Variants in AFAP1 observed in about 807,000 individuals in gnomAD.
AFAP1 encodes the protein actin filament-associated protein 1.
Under a neutral mutation model 93.9 loss-of-function variants are expected in AFAP1, and 75 were observed. That is an observed-to-expected ratio of 0.80 (90% CI 0.66 to 0.97). The LOEUF (loss-of-function observed/expected upper bound fraction) is 0.97. Ranked by LOEUF, AFAP1 falls within the 50% of genes least tolerant of loss-of-function variation. The pLI is 0.00. For synonymous variants in AFAP1, 517 were observed against 430.7 expected (o/e 1.20, Z -2.48); for missense variants, 1,201 against 1,050.8 (o/e 1.14, Z -1.98).
chr4:7,796,015 A>G (rs1262631728), intron 10 of AFAP1, among the ~76,000 whole-genome samples: 1 of 152,162 alleles, frequency 6.6e-6, no homozygotes, highest in Non-Finnish European at 1.5e-5. Context: ...ACGTGTATAT[A>G]TACACTTGTA....
At chr4:7,929,567 C>A (rs1322034431) in intron 1 of AFAP1, among the ~76,000 whole-genome samples, 1 of 152,194 alleles carries the variant, frequency 6.6e-6, no homozygotes, top group South Asian at 2.1e-4. Flanking sequence ...TGATGCCTGC[C>A]CCCCTTCCTC....
intron 10 of AFAP1, among the ~76,000 whole-genome samples, chr4:7,798,325 TTGCAACTCTATTGGCTGGCTCACAGCAC>T (rs1560165242): frequency 7.0e-4 from 81 of 115,888 alleles, no homozygotes; most frequent in Admixed American, 9.0e-4. Context: ...GCTCACGGCA[TTGCAACTCTATTGGCTGGCTCACAGCAC>T]TGCAACTCTA....
chr4:7,798,344 C>G (rs575788265), intron 10 of AFAP1, among the ~76,000 whole-genome samples: 46 of 147,086 alleles, frequency 3.1e-4, no homozygotes, highest in African/African-American at 1.1e-3. Context: ...TATTGGCTGG[C>G]TCACAGCACT....
At chr4:7,874,122 G>A (rs1167710054) in intron 1 of AFAP1, among the ~76,000 whole-genome samples, 1 of 152,150 alleles carries the variant, frequency 6.6e-6, no homozygotes, top group Non-Finnish European at 1.5e-5. Context: ...AGTGAACCAT[G>A]ATGTAACAAA....
intron 5 of AFAP1, among the ~76,000 whole-genome samples, chr4:7,841,967 C>A (rs530156224): frequency 6.6e-6 from 1 of 152,056 alleles, no homozygotes; most frequent in African/African-American, 2.4e-5. Context: ...CACACAACCG[C>A]GAAGCTTCCC....
intron 1 of AFAP1, among the ~76,000 whole-genome samples, chr4:7,925,077 G>C (rs545429506): frequency 6.6e-6 from 1 of 152,076 alleles, no homozygotes; most frequent in Non-Finnish European, 1.5e-5. Flanking sequence ...TCTGCCACAT[G>C]CAAGTGACGA....
intron 6 of AFAP1, among the ~76,000 whole-genome samples, chr4:7,821,482 A>G (rs1384031278): frequency 6.6e-6 from 1 of 152,106 alleles, no homozygotes; most frequent in Admixed American, 6.5e-5. Flanking sequence ...CAGTCACCAC[A>G]TGTTTCTCCA....
At chr4:7,809,127 G>A (rs1199193790) in intron 9 of AFAP1, among the ~76,000 whole-genome samples, 1 of 151,396 alleles carries the variant, frequency 6.6e-6, no homozygotes, top group Non-Finnish European at 1.5e-5. Flanking sequence ...AGTTACATAT[G>A]TATACATGTG....
intron 5 of AFAP1, among the ~76,000 whole-genome samples, chr4:7,841,437 A>C (rs1713003610): frequency 6.6e-6 from 1 of 152,216 alleles, no homozygotes; most frequent in African/African-American, 2.4e-5. Flanking sequence ...TGAAGCGGGA[A>C]TCTAGGTACA....
intron 1 of AFAP1, among the ~76,000 whole-genome samples, chr4:7,897,652 C>T (rs6845653): frequency 0.61 from 92,053 of 151,628 alleles, 28,553 homozygotes; most frequent in Non-Finnish European, 0.68. Flanking sequence ...GCCTCCAGAG[C>T]AGCTGGGAAC....
chr4:7,811,296 C>CAAGG (rs1720010466), intron 8 of AFAP1, among the ~76,000 whole-genome samples: 1 of 152,148 alleles, frequency 6.6e-6, no homozygotes, highest in African/African-American at 2.4e-5. Flanking sequence ...TGATGAGAGT[C>CAAGG]AAGGACTCCC....
intron 1 of AFAP1, among the ~76,000 whole-genome samples, chr4:7,904,371 T>C (rs533394382): frequency 6.6e-6 from 1 of 152,156 alleles, no homozygotes; most frequent in East Asian, 1.9e-4. Context: ...CATCACACTA[T>C]CTATATGGAA....
At chr4:7,868,000 TTCC>T (rs1205388710) in intron 3 of AFAP1, among the ~76,000 whole-genome samples, 3 of 152,096 alleles carry the variant, frequency 2.0e-5, no homozygotes, top group African/African-American at 7.2e-5. Flanking sequence ...ACACTCTGAA[TTCC>T]TCGAGTAAAC....
At position 7,874,774 on chromosome 4, in the gene AFAP1, A is replaced by T. The variant is rs147812130; in HGVS notation, c.-2-2694T>A. ...ATCAGCTATCTTCTAGGCCAGATACAAAAGATACTTGCAAAAGTCTAAAAC... is the reference window on the plus strand; with the variant it reads ...ATCAGCTATCTTCTAGGCCAGATACTAAAGATACTTGCAAAAGTCTAAAAC... On this transcript the variant is annotated intron_variant, in intron 1 of 17. Coordinates refer to ENST00000420658, the MANE Select transcript of AFAP1 (RefSeq NM_001134647.2). Among the ~76,000 whole-genome samples, 895 of 151,924 alleles carry T rather than the reference A, an allele frequency of 5.9e-3. 7 individuals carry two copies. The highest frequency in any genetic ancestry group is 0.019 in the African/African-American group (782 of 41,434).
At chr4:7,832,494 G>A (rs1048793047) in intron 6 of AFAP1, among the ~76,000 whole-genome samples, 6 of 152,110 alleles carry the variant, frequency 3.9e-5, no homozygotes, top group African/African-American at 9.7e-5. Flanking sequence ...CTTCTGCTAT[G>A]AAGTGTTCTA....
intron 6 of AFAP1, among the ~76,000 whole-genome samples, chr4:7,827,809 C>T (rs1560184042): frequency 1.3e-5 from 2 of 151,966 alleles, no homozygotes; most frequent in Non-Finnish European, 2.9e-5. Context: ...ACTCCACACC[C>T]GGAGGACCAA....
chr4:7,807,829 C>T (rs1577234997), intron 9 of AFAP1, among the ~76,000 whole-genome samples: 1 of 152,332 alleles, frequency 6.6e-6, no homozygotes, highest in Non-Finnish European at 1.5e-5. Flanking sequence ...ACAGTGCACG[C>T]CATAGTGCCT....
intron 10 of AFAP1, among the ~76,000 whole-genome samples, chr4:7,798,680 G>C (rs1718721907): frequency 6.6e-6 from 1 of 152,178 alleles, no homozygotes; most frequent in Non-Finnish European, 1.5e-5. Flanking sequence ...CTCTCTCAAG[G>C]AATAAGCACC....
chr4:7,879,699 CTTTTTT>C (rs552211338), intron 1 of AFAP1, among the ~76,000 whole-genome samples: 11 of 121,720 alleles, frequency 9.0e-5, no homozygotes, highest in Non-Finnish European at 1.5e-4. Context: ...TGCTTGCTTG[CTTTTTT>C]TTTTTTTTTT....
Sources: gnomAD v4.1 joint callset for allele counts (sites outside exome capture counted in the v4.1 genomes callset) on GRCh38, gnomAD v4.1.1 for gene constraint, MANE v1.5 for transcripts, NCBI Gene and HGNC (gene_info 2026-07-23, HGNC 2026-07-21) for gene names.